Variants in MYBPC2 observed in about 807,000 individuals in gnomAD.
The protein encoded by MYBPC2 is myosin-binding protein C, fast-type.
MYBPC2 carries 122 observed loss-of-function variants against 137.0 expected under a neutral mutation model. That is an observed-to-expected ratio of 0.89 (90% CI 0.77 to 1.03). The LOEUF (loss-of-function observed/expected upper bound fraction) is 1.03, where lower values mean the gene tolerates loss of function less well. Ranked by LOEUF, MYBPC2 falls within the 50% of genes least tolerant of loss-of-function variation. MYBPC2 has a pLI of 0.00. For synonymous variants in MYBPC2, 626 were observed against 612.3 expected (o/e 1.02, Z -0.33); for missense variants, 1,500 against 1,534.4 (o/e 0.98, Z 0.37).
At chr19:50,442,541 C>A (rs751240185) in intron 9 of MYBPC2, among the ~76,000 whole-genome samples, 3 of 151,954 alleles carry the variant, frequency 2.0e-5, no homozygotes, top group Non-Finnish European at 4.4e-5. Flanking sequence ...ATGGTGAAAC[C>A]CCATTTCTAC....
At position 50,459,205 on chromosome 19, in the gene MYBPC2, T is replaced by C; in HGVS notation, c.2690T>C (p.Phe897Ser). The C allele has an allele frequency of 6.2e-7, 1 of 1,610,682 alleles. No homozygotes were observed. The highest frequency in any genetic ancestry group is 8.5e-7 in the Non-Finnish European group (1 of 1,179,402). The change falls in exon 23 of 28, where the codon TTC becomes TCC. Residue 897 changes from phenylalanine (F) to serine (S), a missense_variant. Coordinates refer to ENST00000357701, the MANE Select transcript of MYBPC2 (RefSeq NM_004533.4). The stretch of plus-strand genomic sequence containing the variant: ...CGGACCAGCGACTTCGACACCGTGT[T>C]CTTCGTGCGCCAGGCGGCCCGCTCC... ...HVRTSDFDTV[F>S]FVRQAARSDS...
chr19:50,440,323 A>T lies in MYBPC2; in HGVS notation c.573-557A>T, dbSNP rs1013861748. 4.2e-4 allele frequency among the ~76,000 whole-genome samples: 58 copies of T among 139,106 alleles called. 1 individual carries two copies. The highest frequency in any genetic ancestry group is 1.5e-3 in the Admixed American group (21 of 13,618). The allele number at this position is 139,106 out of a possible 152,430, so 91.3% of individuals were successfully genotyped here. ...CTGTTTCCCAATAACCTGTGGAAAT[A>T]AAATAAATAAATAAATAAATAAATA... On this transcript the variant is annotated intron_variant, in intron 7 of 27. Transcript: ENST00000357701.
chr19:50,450,977 C>A, intron 14 of MYBPC2, 42 bp downstream of exon 14: 4 of 1,523,102 alleles, frequency 2.6e-6, no homozygotes, highest in Non-Finnish European at 3.6e-6. Flanking sequence ...CTGTAGGATC[C>A]ACCCTCGCAG....
At chr19:50,442,040 A>T in intron 8 of MYBPC2, 141 bp from the exon 9 acceptor site, 1 of 1,109,534 alleles carries the variant, frequency 9.0e-7, no homozygotes, top group Non-Finnish European at 1.2e-6. Flanking sequence ...AAGGATCTCT[A>T]AGTTCATAGG....
intron 9 of MYBPC2, among the ~76,000 whole-genome samples, chr19:50,442,568 T>G (rs988433040): frequency 6.6e-6 from 1 of 151,624 alleles, no homozygotes; most frequent in Non-Finnish European, 1.5e-5. Flanking sequence ...TACAAAAAAT[T>G]AGCCGGGTGT....
intron 20 of MYBPC2, among the ~76,000 whole-genome samples, chr19:50,458,374 T>A (rs1186615359): frequency 6.9e-6 from 1 of 143,972 alleles, no homozygotes; most frequent in African/African-American, 2.6e-5. Context: ...AGACTCCGTT[T>A]AAAAAAAAAA....
chr19:50,454,561 G>A (rs2039891548), intron 18 of MYBPC2, among the ~76,000 whole-genome samples, 192 bp downstream of exon 18: 1 of 151,512 alleles, frequency 6.6e-6, no homozygotes, highest in East Asian at 1.9e-4. Flanking sequence ...AAGTAACTGG[G>A]ATTACAGGTG....
chr19:50,455,360 G>C (rs554665283), intron 19 of MYBPC2, 64 bp downstream of exon 19: 1 of 1,572,496 alleles, frequency 6.4e-7, no homozygotes, highest in Non-Finnish European at 8.7e-7. Flanking sequence ...CATCAACCCC[G>C]TCCACCTCTG....
chr19:50,443,922 C>T, intron 11 of MYBPC2, 106 bp downstream of exon 11: 2 of 1,054,312 alleles, frequency 1.9e-6, no homozygotes, highest in Non-Finnish European at 1.4e-6. Context: ...GATTTCTGAC[C>T]TTTACTCAGT....
At chr19:50,436,503 C>T in intron 4 of MYBPC2, 114 bp from the exon 5 acceptor site, 1 of 976,576 alleles carries the variant, frequency 1.0e-6, no homozygotes, top group South Asian at 1.5e-5. Flanking sequence ...TCCATTGGCC[C>T]CCCTGTGGGG....
intron 20 of MYBPC2, among the ~76,000 whole-genome samples, chr19:50,457,338 A>G (rs901544814): frequency 3.3e-5 from 5 of 152,138 alleles, no homozygotes; most frequent in African/African-American, 9.7e-5. Flanking sequence ...GCCAACAGCC[A>G]TGAGTTCCCC....
Position 50,454,280 on chromosome 19 carries a change from C to G in MYBPC2, c.1925C>G (p.Pro642Arg), listed in dbSNP as rs755911926. The G allele has an allele frequency of 2.5e-6, 4 of 1,613,766 alleles. No individual in the cohort carries two copies. Among genetic ancestry groups the G allele is most frequent in the Non-Finnish European group, 3.4e-6 (4 of 1,179,870 alleles). ...CCCCCTGCAGATGTCCCAGACCCCC[C>G]GGAGGCTGTGCGCATCACCTCGGTT... ...FLQVVDVPDP[P>R]EAVRITSVGE... Residue 642 changes from proline to arginine, a missense_variant, in exon 18 of 28, where the codon CCG (proline) becomes CGG (arginine). Physicochemically the swap from Pro to Arg is moderately radical, Grantham distance 103. Coordinates refer to ENST00000357701, the MANE Select transcript of MYBPC2 (RefSeq NM_004533.4).
rs1482891573 is a variant in MYBPC2 at position 50,436,079 on chromosome 19, G to A, written c.264G>A (p.Trp88Ter). Residue 88 changes from tryptophan (W) to a stop codon, truncating the protein, a stop_gained, in exon 4 of 28, where the codon TGG becomes TGA. Transcript: ENST00000357701. LOFTEE classifies it high-confidence loss of function. ...KELPDKPTIK[W>*]FKGKWLELGS... ...TCCCAGACAAACCGACCATCAAGTGGTTCAAGGGGAAGTGGCTGGAGCTGG... is the reference window on the plus strand; with the variant it reads ...TCCCAGACAAACCGACCATCAAGTGATTCAAGGGGAAGTGGCTGGAGCTGG... 3 of 1,584,528 alleles carry A rather than the reference G, an allele frequency of 1.9e-6. No homozygotes were observed. Among genetic ancestry groups the A allele is most frequent in the African/African-American group, 1.3e-5 (1 of 74,394 alleles).
At chr19:50,451,736 G>C in intron 15 of MYBPC2, 128 bp from the exon 16 acceptor site, 3 of 1,365,142 alleles carry the variant, frequency 2.2e-6, no homozygotes, top group Non-Finnish European at 3.0e-6. Context: ...GAGGGAGGAG[G>C]GCTTCAGGAC....
chr19:50,459,250 T>G lies in MYBPC2; in HGVS notation c.2735T>G (p.Leu912Arg). The G allele has an allele frequency of 6.2e-7, 1 of 1,611,180 alleles. No individual in the cohort carries two copies. The highest frequency in any genetic ancestry group is 1.6e-4 in the Middle Eastern group (1 of 6,062). The part of the protein sequence containing the change: ...AARSDSGEYE[L>R]SVQIENMKDT... ...CGCTCCGACTCCGGGGAGTACGAGC[T>G]GAGCGTGCAGATCGAGAACATGAAG... is the stretch of plus-strand genomic sequence containing the variant. The change falls in exon 23 of 28, where the codon CTG (leucine) becomes CGG (arginine). Residue 912 changes from leucine to arginine, a missense_variant. By Grantham distance (102) the Leu-to-Arg change is moderately radical. Coordinates refer to ENST00000357701, the MANE Select transcript of MYBPC2 (RefSeq NM_004533.4).
At chr19:50,433,950 C>T (rs1167298431) in intron 1 of MYBPC2, among the ~76,000 whole-genome samples, 1 of 152,162 alleles carries the variant, frequency 6.6e-6, no homozygotes, top group Non-Finnish European at 1.5e-5. Context: ...TGGTGCATGC[C>T]TGTAGTCCCA....
intron 4 of MYBPC2, 69 bp from the exon 5 acceptor site, chr19:50,436,548 G>T: frequency 7.4e-7 from 1 of 1,351,604 alleles, no homozygotes; most frequent in South Asian, 1.2e-5. Flanking sequence ...GCTATGAGTG[G>T]ACTCTGAGGA....
At chr19:50,456,827 C>T (rs1036168953) in intron 20 of MYBPC2, among the ~76,000 whole-genome samples, 1 of 152,138 alleles carries the variant, frequency 6.6e-6, no homozygotes, top group Admixed American at 6.6e-5. Context: ...AACCATCTGT[C>T]CACCTAACCA....
Position 50,435,308 on chromosome 19 carries a change from C to T in MYBPC2, c.109+58C>T, listed in dbSNP as rs1242914631. 1 of 720,442 alleles carries T rather than the reference C, an allele frequency of 1.4e-6. No individual in the cohort carries two copies. The highest frequency in any genetic ancestry group is 2.6e-6 in the Non-Finnish European group (1 of 391,730). 44.6% of individuals were successfully genotyped at this position (720,442 alleles called of 1,614,324 possible). On this transcript the variant is annotated intron_variant, in intron 2 of 27. Transcript: ENST00000357701. This position sits in a 1 kb window ranked among gnomAD's most constrained non-coding sequence, Gnocchi z 4.8. The stretch of plus-strand genomic sequence containing the variant: ...TGGCTTCTCATCTCCATCCTCCTCG[C>T]TACGCCTCTCCAGGCCTTTCCCCAG...
Sources: allele counts gnomAD v4.1 joint callset (sites outside exome capture counted in the v4.1 genomes callset), GRCh38; gene constraint gnomAD v4.1.1; non-coding constraint Gnocchi (gnomAD v3.1); transcripts MANE v1.5; gene names NCBI Gene and HGNC (gene_info 2026-07-23, HGNC 2026-07-21).